The following TCF12 variants were observed in gnomAD, a reference collection of about 807,000 sequenced individuals.
TCF12 encodes DNA-binding protein HTF4.
TCF12 carries 45 observed loss-of-function variants against 86.0 expected under a neutral mutation model. The ratio of observed to expected loss-of-function variants is 0.52; its 90% CI spans 0.41 to 0.67. The LOEUF (loss-of-function observed/expected upper bound fraction) is 0.67. TCF12 is among the 30% of genes least tolerant of loss of function. The pLI is 0.00. For synonymous variants in TCF12, 330 were observed against 299.6 expected (o/e 1.10, Z -1.05); for missense variants, 881 against 859.9 (o/e 1.02, Z -0.31).
At chr15:57,181,030 A>G (rs369408889) in intron 6 of TCF12, among the ~76,000 whole-genome samples, 4,400 of 151,724 alleles carry the variant, frequency 0.029, 182 homozygotes, top group African/African-American at 0.089. Flanking sequence ...TAGCCAGGAT[A>G]GTCTCAATCT....
intron 18 of TCF12, among the ~76,000 whole-genome samples, chr15:57,265,076 AG>A: frequency 5.8e-5 from 1 of 17,170 alleles, no homozygotes; most frequent in Admixed American, 1.3e-3. Flanking sequence ...TAAATAGTAT[AG>A]TATAGTATAG....
chr15:57,191,892 C>A (rs1277185790), intron 6 of TCF12, among the ~76,000 whole-genome samples: 3 of 151,520 alleles, frequency 2.0e-5, no homozygotes, highest in Admixed American at 1.3e-4. Flanking sequence ...TGAGATCTTA[C>A]CACTACACTC....
At chr15:57,026,691 G>T (rs951140505) in intron 3 of TCF12, among the ~76,000 whole-genome samples, 4 of 151,508 alleles carry the variant, frequency 2.6e-5, no homozygotes, top group Admixed American at 6.6e-5. Context: ...TTTAATTTAC[G>T]TATACATTTT....
At chr15:56,963,727 C>T (rs1202981702) in intron 3 of TCF12, among the ~76,000 whole-genome samples, 1 of 152,160 alleles carries the variant, frequency 6.6e-6, no homozygotes, top group East Asian at 1.9e-4. Flanking sequence ...TTTAAGTAAT[C>T]TTTGTTCTTT....
intron 5 of TCF12, among the ~76,000 whole-genome samples, chr15:57,121,653 A>G (rs2051242221): frequency 1.3e-5 from 2 of 152,150 alleles, no homozygotes; most frequent in Non-Finnish European, 2.9e-5. Context: ...ATAAAGTGCC[A>G]TGTTGGAAGC....
intron 5 of TCF12, among the ~76,000 whole-genome samples, chr15:57,126,172 A>C (rs778651326): frequency 2.5e-4 from 38 of 152,156 alleles, no homozygotes; most frequent in Non-Finnish European, 4.9e-4. Flanking sequence ...GCTCAGGAGG[A>C]GAAAATTGCA....
chr15:57,087,591 A>C (rs2048734745), intron 4 of TCF12, among the ~76,000 whole-genome samples: 1 of 152,118 alleles, frequency 6.6e-6, no homozygotes, highest in African/African-American at 2.4e-5. Context: ...TATAGACCAC[A>C]TTTTATAATA....
chr15:57,074,185 T>C (rs2069669320), intron 4 of TCF12, among the ~76,000 whole-genome samples: 1 of 152,144 alleles, frequency 6.6e-6, no homozygotes, highest in African/African-American at 2.4e-5. Context: ...CTATTTGACC[T>C]TGGACAAGAG....
chr15:57,020,336 G>A (rs1444493673), intron 3 of TCF12, among the ~76,000 whole-genome samples: 1 of 152,200 alleles, frequency 6.6e-6, no homozygotes, highest in Admixed American at 6.5e-5. Context: ...GTTCAGTACA[G>A]TGTAATCCCT....
intron 19 of TCF12, chr15:57,278,724 C>CCCTCCCTCCCTCTCCCTG: frequency 8.4e-6 from 1 of 119,336 alleles, no homozygotes; most frequent in South Asian, 3.5e-4. Context: ...CCCTCTCCCT[C>CCCTCCCTCCCTCTCCCTG]CCTCCCCTCT....
chr15:57,133,542 C>T (rs892462239), intron 5 of TCF12, among the ~76,000 whole-genome samples: 14 of 151,690 alleles, frequency 9.2e-5, no homozygotes, highest in South Asian at 2.1e-4. Context: ...TGTTGCTACA[C>T]GGCTGTGTTG....
intron 5 of TCF12, among the ~76,000 whole-genome samples, chr15:57,104,303 C>G (rs1342634654): frequency 6.6e-6 from 1 of 151,962 alleles, no homozygotes; most frequent in African/African-American, 2.4e-5. Context: ...AAATGTTTAG[C>G]CACAAAATCC....
intron 19 of TCF12, 30 bp downstream of exon 19, chr15:57,273,292 G>C (rs1390833458): frequency 6.2e-7 from 1 of 1,603,190 alleles, no homozygotes. Flanking sequence ...ATGTATAACT[G>C]TTCTGCTTCA....
intron 13 of TCF12, chr15:57,247,359 C>G (rs1474419851): frequency 1.2e-5 from 8 of 657,716 alleles, no homozygotes; most frequent in Non-Finnish European, 2.2e-5. Flanking sequence ...CTACCTCTAC[C>G]ACCTCCAAAG....
At chr15:57,268,200 T>C (rs2060958716) in intron 18 of TCF12, among the ~76,000 whole-genome samples, 2 of 152,064 alleles carry the variant, frequency 1.3e-5, no homozygotes, top group South Asian at 4.2e-4. Context: ...ACTCACTAAA[T>C]TAGTGAGTCT....
Position 57,289,494 on chromosome 15 carries a change from C to T in TCF12, c.*3349C>T, listed in dbSNP as rs558442507. The T allele has an allele frequency of 6.6e-6, 1 of 152,020 alleles. No individual in the cohort carries two copies. Among genetic ancestry groups the T allele is most frequent in the African/African-American group, 2.4e-5 (1 of 41,396 alleles). The allele number at this position is 152,020 out of a possible 1,614,324, so 9.4% of individuals were successfully genotyped here. ...TCTTTCTCTTTGCAGATTTCTAGGC[C>T]GCTTCTGCTCAGTGTCTTCATTTTC... On this transcript the variant is annotated 3_prime_UTR_variant, in exon 21 of 21. Transcript: ENST00000333725.
At chr15:56,946,348 C>T (rs1232645206) in intron 3 of TCF12, among the ~76,000 whole-genome samples, 2 of 152,186 alleles carry the variant, frequency 1.3e-5, no homozygotes, top group African/African-American at 4.8e-5. Flanking sequence ...GGCTACCGAT[C>T]TTTTCTTCTG....
intron 8 of TCF12, among the ~76,000 whole-genome samples, chr15:57,218,002 T>A (rs2058401756): frequency 6.6e-6 from 1 of 152,016 alleles, no homozygotes; most frequent in Non-Finnish European, 1.5e-5. Context: ...ATCTGGAGAG[T>A]GTGGGGAGGT....
At chr15:57,030,373 G>A (rs1055317438) in intron 3 of TCF12, among the ~76,000 whole-genome samples, 1 of 152,042 alleles carries the variant, frequency 6.6e-6, no homozygotes, top group Admixed American at 6.6e-5. Context: ...TGAGTAGCTG[G>A]GACCACAGGT....
Sources: gnomAD v4.1 joint callset for allele counts (sites outside exome capture counted in the v4.1 genomes callset) on GRCh38, gnomAD v4.1.1 for gene constraint, MANE v1.5 for transcripts, NCBI Gene and HGNC (gene_info 2026-07-23, HGNC 2026-07-21) for gene names.